TMCO5A: variants seen among roughly 807,000 people sequenced by gnomAD.
TMCO5A encodes the protein transmembrane and coiled-coil domains 5A.
A neutral mutation model predicts 42.3 loss-of-function variants in TMCO5A; 34 were observed. The observed-to-expected ratio is 0.80, with a 90% CI of 0.61 to 1.07. TMCO5A has a LOEUF of 1.07. TMCO5A is among the 50% of genes least tolerant of loss of function. TMCO5A has a pLI of 0.00. For synonymous variants in TMCO5A, 131 were observed against 115.6 expected (o/e 1.13, Z -0.86); for missense variants, 357 against 327.9 (o/e 1.09, Z -0.69).
At chr15:38,022,217 G>T in the TMCO5A span, among the ~76,000 whole-genome samples, 1 of 152,076 alleles carries the variant, frequency 6.6e-6, no homozygotes, top group African/African-American at 2.4e-5. Context: ...ACCTGCACAC[G>T]AATTTATTTT....
chr15:37,962,414 T>G (rs1009115413), intron 11 of TMCO5A, among the ~76,000 whole-genome samples: 3 of 152,214 alleles, frequency 2.0e-5, no homozygotes, highest in African/African-American at 7.2e-5. Flanking sequence ...GATTATCTTT[T>G]TGATATGTTG....
chr15:37,979,489 A>G, the TMCO5A span, among the ~76,000 whole-genome samples: 1 of 152,132 alleles, frequency 6.6e-6, no homozygotes, highest in Non-Finnish European at 1.5e-5. Flanking sequence ...AAACTCATGA[A>G]TCTGAAAATT....
intron 11 of TMCO5A, among the ~76,000 whole-genome samples, chr15:37,950,469 AG>A (rs1890120424): frequency 2.6e-5 from 4 of 152,184 alleles, no homozygotes; most frequent in Admixed American, 1.3e-4. Context: ...ATTGATATCA[AG>A]AACATGAAAC....
chr15:37,976,939 CT>C, the TMCO5A span, among the ~76,000 whole-genome samples: 1 of 151,792 alleles, frequency 6.6e-6, no homozygotes, highest in Admixed American at 6.6e-5. Context: ...TGCCTGCCAC[CT>C]TGCCCATTTT....
chr15:37,976,300 T>G, the TMCO5A span, among the ~76,000 whole-genome samples: 20 of 152,278 alleles, frequency 1.3e-4, no homozygotes, highest in South Asian at 4.1e-4. Context: ...GCAGTTCCCT[T>G]TTTAGTGATC....
intron 5 of TMCO5A, 66 bp downstream of exon 5, chr15:37,937,462 T>C (rs2140256838): frequency 2.6e-6 from 4 of 1,556,776 alleles, no homozygotes; most frequent in Non-Finnish European, 1.8e-6. Flanking sequence ...GGGGCAAGGT[T>C]TGGGGGAAGT....
At chr15:37,963,492 AG>A (rs1190011637) in intron 11 of TMCO5A, among the ~76,000 whole-genome samples, 3 of 152,126 alleles carry the variant, frequency 2.0e-5, no homozygotes, top group Non-Finnish European at 4.4e-5. Context: ...TCTTGGAGAA[AG>A]TTCCATGTGC....
the TMCO5A span, among the ~76,000 whole-genome samples, chr15:38,023,694 G>A: frequency 1.3e-5 from 2 of 152,162 alleles, no homozygotes; most frequent in Non-Finnish European, 2.9e-5. Context: ...AGAATGCAAG[G>A]TGACAATTGG....
the TMCO5A span, among the ~76,000 whole-genome samples, chr15:37,977,640 A>T: frequency 2.0e-5 from 3 of 152,178 alleles, no homozygotes; most frequent in African/African-American, 7.2e-5. Flanking sequence ...CTCCTCTCCC[A>T]CTCAAGTGTT....
the TMCO5A span, among the ~76,000 whole-genome samples, chr15:38,025,329 T>A: frequency 6.6e-6 from 1 of 152,092 alleles, no homozygotes; most frequent in South Asian, 2.1e-4. Context: ...GGGGTCTTTT[T>A]CATCAGTGCC....
At chr15:38,030,617 G>T in the TMCO5A span, among the ~76,000 whole-genome samples, 9 of 152,066 alleles carry the variant, frequency 5.9e-5, no homozygotes, top group African/African-American at 2.2e-4. Context: ...AAACTCCTTA[G>T]CAAGAATAAA....
downstream of TMCO5A, among the ~76,000 whole-genome samples, chr15:37,955,433 GGTTGC>G: frequency 6.6e-6 from 1 of 151,860 alleles, no homozygotes; most frequent in South Asian, 2.1e-4. Flanking sequence ...GAACCACAGG[GGTTGC>G]AATCCTAGTC....
the TMCO5A span, among the ~76,000 whole-genome samples, chr15:38,023,093 T>G: frequency 1.1e-4 from 16 of 152,270 alleles, no homozygotes; most frequent in African/African-American, 3.8e-4. Context: ...AAATGTAATG[T>G]GCAAAAAGAA....
At chr15:37,958,088 C>T (rs1890335549) in intron 11 of TMCO5A, among the ~76,000 whole-genome samples, 1 of 151,992 alleles carries the variant, frequency 6.6e-6, no homozygotes. Flanking sequence ...CAAAAATTAA[C>T]TCAAGATGGA....
chr15:37,966,194 A>G (rs1422806808), intron 11 of TMCO5A, among the ~76,000 whole-genome samples: 3 of 152,170 alleles, frequency 2.0e-5, no homozygotes, highest in Non-Finnish European at 2.9e-5. Context: ...AAACCTAAAA[A>G]TCAATACAGT....
chr15:37,984,011 A>G, the TMCO5A span, among the ~76,000 whole-genome samples: 1 of 152,030 alleles, frequency 6.6e-6, no homozygotes, highest in Non-Finnish European at 1.5e-5. Context: ...GAGATTGTCA[A>G]CTACACTTAT....
the TMCO5A span, among the ~76,000 whole-genome samples, chr15:38,023,548 C>G: frequency 1.3e-5 from 2 of 152,172 alleles, no homozygotes; most frequent in South Asian, 4.1e-4. Context: ...ATTTTATGAC[C>G]TAGCCTCAGT....
chr15:37,999,224 T>C, the TMCO5A span, among the ~76,000 whole-genome samples: 1 of 152,212 alleles, frequency 6.6e-6, no homozygotes, highest in South Asian at 2.1e-4. Flanking sequence ...GTTGTATAGT[T>C]TTAATTATCA....
chr15:38,007,785 C>T, the TMCO5A span, among the ~76,000 whole-genome samples: 3 of 143,160 alleles, frequency 2.1e-5, no homozygotes, highest in Admixed American at 2.2e-4. Context: ...AATTGTTTAA[C>T]AGAGGGTGGG....
Sources: gnomAD v4.1 joint callset for allele counts (sites outside exome capture counted in the v4.1 genomes callset) on GRCh38, gnomAD v4.1.1 for gene constraint, MANE v1.5 for transcripts, NCBI Gene and HGNC (gene_info 2026-07-23, HGNC 2026-07-21) for gene names.